Variants in CSMD1 observed in about 807,000 individuals in gnomAD.
CSMD1 encodes the protein CUB and Sushi multiple domains 1, also known as CUB and sushi domain-containing protein 1.
In CSMD1, 213 loss-of-function variants were observed where a neutral mutation model predicts 417.5. The observed-to-expected ratio is 0.51, with a 90% CI of 0.46 to 0.57. The LOEUF is 0.57. Among genes scored for constraint, CSMD1 ranks in the 20% least tolerant of loss-of-function variants. The probability of loss-of-function intolerance (pLI) is 0.00; values close to 1 mark genes in which losing one functional copy is unlikely to be tolerated. For missense variants in CSMD1, 6,923 were observed against 4,529.7 expected (o/e 1.53, Z -15.17); for synonymous variants, 2,862 against 1,736.8 (o/e 1.65, Z -16.11).
chr8:3,659,556 G>A (rs1447910491), intron 7 of CSMD1, among the ~76,000 whole-genome samples: 2 of 152,020 alleles, frequency 1.3e-5, no homozygotes, highest in African/African-American at 4.8e-5. Flanking sequence ...TTTTTTTCGG[G>A]GGGTTATCAT....
intron 5 of CSMD1, among the ~76,000 whole-genome samples, chr8:3,834,550 C>A (rs561619166): frequency 6.6e-6 from 1 of 152,164 alleles, no homozygotes; most frequent in African/African-American, 2.4e-5. Context: ...CCAAAACTGG[C>A]TGATTTAAAT....
chr8:3,388,896 TACACACACACACACACACACAC>T (rs6150441), intron 17 of CSMD1, among the ~76,000 whole-genome samples: 17 of 147,750 alleles, frequency 1.2e-4, no homozygotes, highest in South Asian at 4.4e-4. Flanking sequence ...CACACATGCA[TACACACACACACACACACACAC>T]ACACACACAC....
At chr8:4,381,568 TC>T (rs1422612162) in intron 3 of CSMD1, among the ~76,000 whole-genome samples, 4 of 152,018 alleles carry the variant, frequency 2.6e-5, no homozygotes, top group African/African-American at 9.7e-5. Flanking sequence ...TGATTGCAAT[TC>T]TGCCCAAAAG....
chr8:3,059,103 C>T (rs965603290), intron 49 of CSMD1, among the ~76,000 whole-genome samples: 1 of 151,642 alleles, frequency 6.6e-6, no homozygotes, highest in African/African-American at 2.4e-5. Context: ...TGGATGAGAC[C>T]ATAGGAGACG....
At chr8:2,951,720 T>A (rs547781264) in intron 65 of CSMD1, among the ~76,000 whole-genome samples, 1 of 152,186 alleles carries the variant, frequency 6.6e-6, no homozygotes, top group African/African-American at 2.4e-5. Context: ...ATATATATAA[T>A]ACGAGAGCAA....
intron 3 of CSMD1, among the ~76,000 whole-genome samples, chr8:4,210,152 G>C (rs1481608717): frequency 6.6e-6 from 1 of 152,152 alleles, no homozygotes; most frequent in Non-Finnish European, 1.5e-5. Context: ...CTGTCACTGT[G>C]TGTCAAATCT....
intron 2 of CSMD1, among the ~76,000 whole-genome samples, chr8:4,575,270 TTA>T: frequency 6.6e-6 from 1 of 152,362 alleles, no homozygotes; most frequent in Middle Eastern, 3.4e-3. Flanking sequence ...ATCATTCTCA[TTA>T]TTTTCATATA....
chr8:3,968,046 G>C (rs1021178394), intron 5 of CSMD1, among the ~76,000 whole-genome samples: 5 of 144,274 alleles, frequency 3.5e-5, no homozygotes, highest in South Asian at 2.2e-4. Context: ...AATTAGCCGG[G>C]AGTGGTGGCG....
At chr8:4,144,203 G>C (rs1042973111) in intron 3 of CSMD1, among the ~76,000 whole-genome samples, 5 of 151,050 alleles carry the variant, frequency 3.3e-5, no homozygotes, top group East Asian at 3.9e-4. Context: ...CCTGCCCCTA[G>C]ATCTTGGGCT....
intron 1 of CSMD1, among the ~76,000 whole-genome samples, chr8:4,815,036 T>G (rs1262907490): frequency 6.6e-6 from 1 of 152,146 alleles, no homozygotes; most frequent in Non-Finnish European, 1.5e-5. Context: ...TTAAATTTCC[T>G]TCTGAATTAT....
At chr8:3,045,378 T>TA in intron 50 of CSMD1, among the ~76,000 whole-genome samples, 1 of 151,704 alleles carries the variant, frequency 6.6e-6, no homozygotes, top group Non-Finnish European at 1.5e-5. Flanking sequence ...TACATCTAGA[T>TA]ATGTATTTTA....
chr8:4,005,593 A>G (rs575051630), intron 4 of CSMD1, among the ~76,000 whole-genome samples: 17 of 152,354 alleles, frequency 1.1e-4, no homozygotes, highest in African/African-American at 4.1e-4. Flanking sequence ...ACATGGTATT[A>G]TAAGGTTTGC....
chr8:3,907,950 G>C (rs754627875), intron 5 of CSMD1, among the ~76,000 whole-genome samples: 3 of 152,042 alleles, frequency 2.0e-5, no homozygotes, highest in Non-Finnish European at 2.9e-5. Context: ...TTTTTGGGGG[G>C]TGTGGGGAGA....
intron 1 of CSMD1, among the ~76,000 whole-genome samples, chr8:4,664,743 C>T (rs1196963973): frequency 1.3e-5 from 2 of 151,732 alleles, no homozygotes; most frequent in Non-Finnish European, 2.9e-5. Flanking sequence ...AGATGCTAAT[C>T]TTATAGAGAC....
intron 48 of CSMD1, among the ~76,000 whole-genome samples, chr8:3,089,106 A>G (rs1814744372): frequency 6.6e-6 from 1 of 152,212 alleles, no homozygotes; most frequent in African/African-American, 2.4e-5. Context: ...GAATACAAAG[A>G]GAGACTGGAG....
At chr8:3,073,953 CAT>C (rs755210318) in intron 49 of CSMD1, among the ~76,000 whole-genome samples, 14 of 152,316 alleles carry the variant, frequency 9.2e-5, no homozygotes, top group East Asian at 3.9e-4. Flanking sequence ...TTATTCCACA[CAT>C]AGAGGCCCAA....
intron 1 of CSMD1, among the ~76,000 whole-genome samples, chr8:4,816,696 C>A (rs987101709): frequency 6.6e-6 from 1 of 152,116 alleles, no homozygotes; most frequent in Non-Finnish European, 1.5e-5. Flanking sequence ...ACTTAAACTT[C>A]TACAAAGAAG....
intron 5 of CSMD1, among the ~76,000 whole-genome samples, chr8:3,767,654 T>A (rs994178855): frequency 1.3e-5 from 2 of 152,212 alleles, no homozygotes; most frequent in Non-Finnish European, 2.9e-5. Flanking sequence ...ATACTGTATA[T>A]GATATATGGT....
At chr8:3,618,082 G>T (rs995716602) in intron 7 of CSMD1, among the ~76,000 whole-genome samples, 1 of 151,984 alleles carries the variant, frequency 6.6e-6, no homozygotes, top group African/African-American at 2.4e-5. Flanking sequence ...GATCACTGCA[G>T]CCTCAACCTC....
Sources: allele counts gnomAD v4.1 joint callset (sites outside exome capture counted in the v4.1 genomes callset), GRCh38; gene constraint gnomAD v4.1.1; transcripts MANE v1.5; gene names NCBI Gene and HGNC (gene_info 2026-07-23, HGNC 2026-07-21).